Variants in TAF2 observed in about 807,000 individuals in gnomAD.
TAF2 encodes transcription initiation factor TFIID subunit 2.
In TAF2, 61 loss-of-function variants were observed where a neutral mutation model predicts 138.5. The ratio of observed to expected loss-of-function variants is 0.44; its 90% confidence interval spans 0.36 to 0.54. The LOEUF (loss-of-function observed/expected upper bound fraction) is 0.54, where lower values mean the gene tolerates loss of function less well. Among genes scored for constraint, TAF2 ranks in the 20% least tolerant of loss-of-function variants. The probability of loss-of-function intolerance (pLI) is 0.00; values close to 1 mark genes in which losing one functional copy is unlikely to be tolerated. For synonymous variants in TAF2, 475 were observed against 469.9 expected, an observed-to-expected ratio of 1.01 and a Z score of -0.14; for missense variants, 1,090 against 1,427.9, an observed-to-expected ratio of 0.76 and a Z score of 3.81.
At chr8:119,760,029 G>C (rs1182640433) in intron 20 of TAF2, among the ~76,000 whole-genome samples, 1 of 151,264 alleles carries the variant, frequency 6.6e-6, no homozygotes, top group African/African-American at 2.4e-5. Flanking sequence ...CTTCATTTAC[G>C]CCCCCCCAGA....
intron 24 of TAF2, among the ~76,000 whole-genome samples, chr8:119,743,895 CATAAT>C (rs1563818411): frequency 6.6e-6 from 1 of 152,000 alleles, no homozygotes; most frequent in East Asian, 1.9e-4. Context: ...AAATGACTGA[CATAAT>C]ATTATATGAG....
At chr8:119,812,048 G>A (rs1825107842) in intron 3 of TAF2, among the ~76,000 whole-genome samples, 1 of 151,900 alleles carries the variant, frequency 6.6e-6, no homozygotes, top group Non-Finnish European at 1.5e-5. Flanking sequence ...AAGTAACCTT[G>A]GATATGGCCT....
chr8:119,807,628 T>G (rs908364966), intron 3 of TAF2, among the ~76,000 whole-genome samples: 4 of 152,158 alleles, frequency 2.6e-5, no homozygotes, highest in African/African-American at 9.7e-5. Context: ...TTCATCTAGT[T>G]AAAAGACAAG....
chr8:119,745,782 T>A (rs1277755538), intron 23 of TAF2, among the ~76,000 whole-genome samples: 1 of 149,916 alleles, frequency 6.7e-6, no homozygotes, highest in Non-Finnish European at 1.5e-5. Flanking sequence ...AAAGCTTCTC[T>A]AAAGGCAAAC....
chr8:119,744,155 T>C (rs1228840750), intron 24 of TAF2, 133 bp downstream of exon 24: 5 of 888,142 alleles, frequency 5.6e-6, no homozygotes, highest in Non-Finnish European at 7.2e-6. Flanking sequence ...TATAATCTGC[T>C]ACAATTTAAT....
intron 2 of TAF2, among the ~76,000 whole-genome samples, chr8:119,830,728 T>C (rs1271362472): frequency 6.6e-6 from 1 of 152,230 alleles, no homozygotes; most frequent in African/African-American, 2.4e-5. Flanking sequence ...GAGAAGTTGA[T>C]ACCATCACTC....
Position 119,806,269 on chromosome 8 carries a change from T to C in TAF2, c.418+14A>G. ...TGATTTTAGTGTACAGTCAATATAC[T>C]CTTGGTGCTTTACCATCAACGTGTT... is the stretch of plus-strand genomic sequence containing the variant. On this transcript the variant is annotated intron_variant, in intron 4 of 25. Transcript: ENST00000378164. The C allele has an allele frequency of 2.5e-6, 4 of 1,601,256 alleles. No homozygotes were observed. Among genetic ancestry groups the C allele is most frequent in the Non-Finnish European group, 3.4e-6 (4 of 1,168,474 alleles).
At position 119,831,397 on chromosome 8, in the gene TAF2, A is replaced by G. The variant is rs1023939553; in HGVS notation, c.138+280T>C. Among the ~76,000 whole-genome samples the G allele has an allele frequency of 2.6e-5, 4 of 152,200 alleles. 1 individual carries two copies. Among genetic ancestry groups the G allele is most frequent in the African/African-American group, 9.7e-5 (4 of 41,446 alleles). ...ATACTTGTTTCATGCACAATTATAAAATGCTTGGCTATACAGGCTTTCATA... is the reference window on the plus strand; with the variant it reads ...ATACTTGTTTCATGCACAATTATAAGATGCTTGGCTATACAGGCTTTCATA... On this transcript the variant is annotated intron_variant, in intron 2 of 25. Coordinates refer to ENST00000378164, the MANE Select transcript of TAF2 (RefSeq NM_003184.4).
chr8:119,782,803 A>T (rs1357077401), intron 16 of TAF2, among the ~76,000 whole-genome samples: 1 of 152,170 alleles, frequency 6.6e-6, no homozygotes, highest in African/African-American at 2.4e-5. Context: ...TATAAACTCA[A>T]ATCAACGTGA....
chr8:119,762,756 C>T, intron 18 of TAF2, 148 bp from the exon 19 acceptor site: 1 of 637,686 alleles, frequency 1.6e-6, no homozygotes, highest in Non-Finnish European at 2.7e-6. Flanking sequence ...CAACTCCACC[C>T]TTTGCATGTG....
intron 17 of TAF2, among the ~76,000 whole-genome samples, chr8:119,778,799 C>G (rs1156900436): frequency 6.6e-6 from 1 of 152,252 alleles, no homozygotes; most frequent in East Asian, 1.9e-4. Flanking sequence ...AATGTAGAAA[C>G]ATGACTTACA....
intron 14 of TAF2, among the ~76,000 whole-genome samples, chr8:119,787,906 C>T (rs1054690524): frequency 2.0e-5 from 3 of 152,132 alleles, no homozygotes; most frequent in African/African-American, 7.2e-5. Context: ...CACTATGCAG[C>T]CATAAAAAAG....
Position 119,832,622 on chromosome 8 carries a change from A to T in TAF2, c.-58T>A. 6.5e-7 allele frequency: 1 copy of T among 1,528,358 alleles called. No homozygotes were observed. The highest frequency in any genetic ancestry group is 9.0e-7 in the Non-Finnish European group (1 of 1,113,310). The allele number at this position is 1,528,358 out of a possible 1,614,324, so 94.7% of individuals were successfully genotyped here. ...TCCTAGGGGGATACGGGGCATTACT[A>T]GTCTTTGGCACCTCACACTCTCCAC... On this transcript the variant is annotated 5_prime_UTR_variant, in exon 1 of 26. Coordinates refer to ENST00000378164, the MANE Select transcript of TAF2 (RefSeq NM_003184.4).
chr8:119,772,408 T>C (rs1255907029), intron 18 of TAF2, among the ~76,000 whole-genome samples: 1 of 152,026 alleles, frequency 6.6e-6, no homozygotes, highest in Non-Finnish European at 1.5e-5. Context: ...TGGGAACACA[T>C]GGACATAAAG....
rs1421802104 is a variant in TAF2, at chr8:119,755,278, G to A, written c.2878+728C>T. Among the ~76,000 whole-genome samples, 9 of 152,140 alleles carry A rather than the reference G, an allele frequency of 5.9e-5. 1 individual carries two copies. Among genetic ancestry groups the A allele is most frequent in the South Asian group, 4.1e-4 (2 of 4,822 alleles). ...TCCCACCACTTTGGAAGGCCAAGGC[G>A]GGTGGATCAGGAGTTTGAGACCAGC... On this transcript the variant is annotated intron_variant, in intron 22 of 25. Transcript: ENST00000378164.
At chr8:119,746,185 A>G (rs767424833) in intron 23 of TAF2, among the ~76,000 whole-genome samples, 16 of 151,996 alleles carry the variant, frequency 1.1e-4, no homozygotes, top group Non-Finnish European at 2.4e-4. Context: ...CAGCCTGGCC[A>G]ACATGGTGAA....
At position 119,795,595 on chromosome 8, in the gene TAF2, A is replaced by G; in HGVS notation, c.1128T>C (p.Tyr376=). 3 of 1,613,864 alleles carry G rather than the reference A, an allele frequency of 1.9e-6. No homozygotes were observed. The highest frequency in any genetic ancestry group is 2.5e-6 in the Non-Finnish European group (3 of 1,179,842). Residue 376 remains tyrosine, a synonymous_variant, in exon 9 of 26, where the codon TAT becomes TAC. Coordinates refer to ENST00000378164, the MANE Select transcript of TAF2 (RefSeq NM_003184.4). ...DEWVLKGISG[Y]IYGLWMKKTF... ...TTTTTTTCATCCAAAGTCCATAGAT[A>G]TAGCCTGAAATTCCCTTCAGCACCC...
Position 119,797,722 on chromosome 8 carries a change from G to A in TAF2, c.917C>T (p.Thr306Ile), listed in dbSNP as rs1823930088. 6.2e-7 allele frequency: 1 copy of A among 1,613,564 alleles called. No homozygotes were observed. Among genetic ancestry groups the A allele is most frequent in the Non-Finnish European group, 8.5e-7 (1 of 1,179,710 alleles). Residue 306 changes from threonine to isoleucine, a missense_variant, in exon 7 of 26, where the codon ACT (threonine) becomes ATT (isoleucine). Thr to Ile is a moderately conservative substitution (Grantham distance 89, BLOSUM62 -1). Transcript: ENST00000378164. The stretch of plus-strand genomic sequence containing the variant: ...AACATAAGCCTCATCAATGAAGACA[G>A]TCTTAAAACAGGAGTATGGGTAACG... Reference protein sequence around the residue: ...TCRYPYSCFKTVFIDEAYVEV... With the variant: ...TCRYPYSCFKIVFIDEAYVEV...
intron 3 of TAF2, among the ~76,000 whole-genome samples, chr8:119,812,526 G>A (rs1327815171): frequency 6.6e-6 from 1 of 152,052 alleles, no homozygotes; most frequent in Non-Finnish European, 1.5e-5. Flanking sequence ...CACTCTGTAT[G>A]TCTTCACATA....
Sources: allele counts gnomAD v4.1 joint callset (sites outside exome capture counted in the v4.1 genomes callset), GRCh38; gene constraint gnomAD v4.1.1; transcripts MANE v1.5; gene names NCBI Gene and HGNC (gene_info 2026-07-23, HGNC 2026-07-21).